Variants in BBS9 observed in about 807,000 individuals in gnomAD.
BBS9 encodes protein PTHB1.
A neutral mutation model predicts 117.7 loss-of-function variants in BBS9; 89 were observed. The ratio of observed to expected loss-of-function variants is 0.76; its 90% CI spans 0.64 to 0.90. The LOEUF is 0.90. Among genes scored for constraint, BBS9 ranks in the 40% least tolerant of loss-of-function variants. BBS9 has a pLI of 0.00. For missense variants in BBS9, 982 were observed against 1,042.2 expected (o/e 0.94, Z 0.80); for synonymous variants, 379 against 370.9 (o/e 1.02, Z -0.25).
At chr7:33,379,845 T>C (rs1417547954) in intron 17 of BBS9, 1 of 152,234 alleles carries the variant, frequency 6.6e-6, no homozygotes, top group African/African-American at 2.4e-5. Flanking sequence ...AATGAGCATA[T>C]TAAAGCAGAA....
chr7:33,581,892 ACT>A (rs1860009150), intron 21 of BBS9, among the ~76,000 whole-genome samples: 4 of 151,274 alleles, frequency 2.6e-5, no homozygotes, highest in Admixed American at 2.6e-4. Flanking sequence ...AGACTAATGT[ACT>A]CTTTTTTTTT....
intron 2 of BBS9, among the ~76,000 whole-genome samples, chr7:33,147,565 C>T (rs1390836599): frequency 6.6e-6 from 1 of 152,144 alleles, no homozygotes. Flanking sequence ...GGTTCCTCAA[C>T]CCTGCCTCTG....
intron 20 of BBS9, among the ~76,000 whole-genome samples, chr7:33,514,222 C>T (rs1195470399): frequency 2.0e-5 from 3 of 152,230 alleles, no homozygotes; most frequent in Admixed American, 1.3e-4. Flanking sequence ...CTTATCTGTA[C>T]GGTGGTGAAC....
chr7:33,357,166 G>A (rs748879566), intron 15 of BBS9, among the ~76,000 whole-genome samples: 1 of 151,714 alleles, frequency 6.6e-6, no homozygotes, highest in Non-Finnish European at 1.5e-5. Context: ...ATTTCAGTAT[G>A]CATGTATGAG....
chr7:33,550,555 C>G (rs548092810), intron 21 of BBS9, among the ~76,000 whole-genome samples: 4 of 152,256 alleles, frequency 2.6e-5, no homozygotes, highest in Non-Finnish European at 5.9e-5. Context: ...GCTTCTGACA[C>G]TACTCAGCCA....
intron 21 of BBS9, among the ~76,000 whole-genome samples, chr7:33,616,726 G>C (rs2129219093): frequency 6.6e-6 from 1 of 151,420 alleles, no homozygotes; most frequent in East Asian, 1.9e-4. Context: ...TCTTTTTATA[G>C]ATTTAGGGAG....
rs139671314 is a variant in BBS9 at position 33,300,216 on chromosome 7, T to C, written c.1016+26260T>C. Among the ~76,000 whole-genome samples the C allele has an allele frequency of 1.4e-3, 208 of 152,244 alleles. 1 individual carries two copies. Among genetic ancestry groups the C allele is most frequent in the African/African-American group, 4.8e-3 (198 of 41,556 alleles). On this transcript the variant is annotated intron_variant, in intron 9 of 22. Coordinates refer to ENST00000242067, the MANE Select transcript of BBS9 (RefSeq NM_198428.3). ...GCAGGGAGGGAGGTGAGGAAGTTAA[T>C]ACTCTGACCCCACCTTCCTCCCTCT...
intron 1 of BBS9, among the ~76,000 whole-genome samples, chr7:33,140,512 G>A (rs1429196118): frequency 6.6e-6 from 1 of 152,100 alleles, no homozygotes; most frequent in East Asian, 1.9e-4. Context: ...GGGAATCATT[G>A]GCATTTCAAG....
rs1814356379 is a variant in BBS9, at chr7:33,332,659, A to C, written c.1017-3782A>C. On this transcript the variant is annotated intron_variant, in intron 9 of 22. Coordinates refer to ENST00000242067, the MANE Select transcript of BBS9 (RefSeq NM_198428.3). ...GCCACTGCATTCCAGCCTGGGCAAC[A>C]GAGCAAGGCTCCATGTCAAAACAAC... 2.7e-5 allele frequency among the ~76,000 whole-genome samples: 4 copies of C among 149,638 alleles called. No homozygotes were observed. The South Asian group carries it at 8.7e-4, about 32-fold the overall frequency.
At chr7:33,226,619 G>T (rs999554271) in intron 5 of BBS9, among the ~76,000 whole-genome samples, 5 of 152,136 alleles carry the variant, frequency 3.3e-5, no homozygotes, top group South Asian at 2.1e-4. Flanking sequence ...ATTCACAATA[G>T]CCAAAAGGTG....
intron 19 of BBS9, among the ~76,000 whole-genome samples, chr7:33,443,034 T>C (rs1348071473): frequency 1.3e-5 from 2 of 152,224 alleles, no homozygotes; most frequent in East Asian, 3.8e-4. Flanking sequence ...GGTCTCATTA[T>C]TGTACTGTCA....
chr7:33,475,533 A>C (rs1841680352), intron 19 of BBS9, among the ~76,000 whole-genome samples: 1 of 151,924 alleles, frequency 6.6e-6, no homozygotes, highest in Non-Finnish European at 1.5e-5. Flanking sequence ...GCATTGTAGG[A>C]TGTTTCACAG....
chr7:33,146,175 C>T (rs1170390366), intron 1 of BBS9, 67 bp from the exon 2 acceptor site: 12 of 1,087,696 alleles, frequency 1.1e-5, no homozygotes, highest in Admixed American at 1.7e-5. Flanking sequence ...GTTTAATTTG[C>T]TATGCCTTAA....
At chr7:33,476,766 A>G (rs1414530111) in intron 19 of BBS9, among the ~76,000 whole-genome samples, 4 of 152,118 alleles carry the variant, frequency 2.6e-5, no homozygotes, top group Admixed American at 2.6e-4. Context: ...GAAACTGTCA[A>G]CCCCAACTGT....
At chr7:33,606,388 A>G (rs968763701), downstream of BBS9, among the ~76,000 whole-genome samples, 8 of 152,210 alleles carry the variant, frequency 5.3e-5, no homozygotes, top group African/African-American at 1.9e-4. Context: ...CTGTCTTCTC[A>G]ACGGCCTTGT....
At chr7:33,599,626 T>TG (rs777378351) in intron 21 of BBS9, among the ~76,000 whole-genome samples, 11 of 152,320 alleles carry the variant, frequency 7.2e-5, no homozygotes, top group Non-Finnish European at 8.8e-5. Flanking sequence ...TAACATCCAT[T>TG]GATGTAGTCT....
intron 7 of BBS9, among the ~76,000 whole-genome samples, chr7:33,268,262 T>C (rs1799151300): frequency 6.6e-6 from 1 of 152,230 alleles, no homozygotes; most frequent in Admixed American, 6.5e-5. Context: ...AGCTGAATAT[T>C]TGAGGGCACT....
intron 16 of BBS9, among the ~76,000 whole-genome samples, chr7:33,361,070 A>G (rs928793226): frequency 2.6e-5 from 4 of 152,152 alleles, no homozygotes; most frequent in Non-Finnish European, 5.9e-5. Context: ...TTTATCAGAA[A>G]AGGATTTTTT....
At chr7:33,607,509 T>C (rs1864643419), downstream of BBS9, among the ~76,000 whole-genome samples, 2 of 152,074 alleles carry the variant, frequency 1.3e-5, no homozygotes. Flanking sequence ...AAGAAAAGAA[T>C]AACAAGTCAC....
Sources: gnomAD v4.1 joint callset for allele counts (sites outside exome capture counted in the v4.1 genomes callset) on GRCh38, gnomAD v4.1.1 for gene constraint, MANE v1.5 for transcripts, NCBI Gene and HGNC (gene_info 2026-07-23, HGNC 2026-07-21) for gene names.